DENND2B: variants seen among roughly 807,000 people sequenced by gnomAD.
DENND2B encodes DENN domain containing 2B.
DENND2B carries 32 observed loss-of-function variants against 116.0 expected under a neutral mutation model. The observed-to-expected ratio is 0.28, with a 90% confidence interval of 0.21 to 0.37. The LOEUF (loss-of-function observed/expected upper bound fraction) is 0.37. DENND2B is among the 10% of genes least tolerant of loss of function. The probability of loss-of-function intolerance (pLI) is 1.00; values close to 1 mark genes in which losing one functional copy is unlikely to be tolerated. For synonymous variants in DENND2B, 588 were observed against 583.9 expected (o/e 1.01, Z -0.10); for missense variants, 1,276 against 1,477.7 (o/e 0.86, Z 2.24).
At chr11:8,869,178 A>C (rs1157743192) in intron 2 of DENND2B, among the ~76,000 whole-genome samples, 2 of 152,198 alleles carry the variant, frequency 1.3e-5, no homozygotes, top group African/African-American at 2.4e-5. Flanking sequence ...ACTCAAGACC[A>C]AGGATTTCCC....
intron 1 of DENND2B, among the ~76,000 whole-genome samples, chr11:8,890,190 T>A (rs1008579378): frequency 4.6e-5 from 7 of 152,074 alleles, no homozygotes; most frequent in African/African-American, 1.7e-4. Context: ...TCCTGACTGT[T>A]AGAAGGAAAA....
At chr11:8,896,581 C>T (rs959285432) in intron 1 of DENND2B, among the ~76,000 whole-genome samples, 1 of 152,132 alleles carries the variant, frequency 6.6e-6, no homozygotes, top group African/African-American at 2.4e-5. Context: ...GATTTGACTT[C>T]GGTTTTTTCA....
chr11:8,898,900 A>T (rs1233254279), intron 1 of DENND2B, among the ~76,000 whole-genome samples: 1 of 152,240 alleles, frequency 6.6e-6, no homozygotes, highest in Non-Finnish European at 1.5e-5. Flanking sequence ...CCCAAATGTT[A>T]GACTTAGCAG....
intron 3 of DENND2B, among the ~76,000 whole-genome samples, chr11:8,855,278 C>T (rs1453522413): frequency 6.6e-6 from 1 of 151,756 alleles, no homozygotes; most frequent in African/African-American, 2.4e-5. Context: ...GCTCCAGATG[C>T]CAAGCAAGGA....
At chr11:8,726,420 G>A (rs955618727) in intron 3 of DENND2B, 26 of 519,276 alleles carry the variant, frequency 5.0e-5, no homozygotes, top group Admixed American at 1.1e-4. Context: ...GCCTTATCCT[G>A]AATAATACCG....
intron 1 of DENND2B, among the ~76,000 whole-genome samples, chr11:8,892,012 G>A (rs981020100): frequency 1.3e-5 from 2 of 152,184 alleles, no homozygotes; most frequent in Non-Finnish European, 2.9e-5. Flanking sequence ...CTCAGCAAAT[G>A]TAAAAGAACA....
intron 1 of DENND2B, 130 bp from the exon 2 acceptor site, chr11:8,750,855 T>C: frequency 1.3e-6 from 1 of 741,164 alleles, no homozygotes. Flanking sequence ...CTTTCCCACT[T>C]AATGTTTAAC....
chr11:8,864,160 C>G (rs1293315855), intron 2 of DENND2B, among the ~76,000 whole-genome samples: 1 of 152,194 alleles, frequency 6.6e-6, no homozygotes, highest in African/African-American at 2.4e-5. Context: ...GTCATCTCAG[C>G]TTCCAGAGAC....
chr11:8,854,139 T>C (rs372515186), intron 3 of DENND2B, among the ~76,000 whole-genome samples: 7 of 150,186 alleles, frequency 4.7e-5, no homozygotes, highest in African/African-American at 1.7e-4. Flanking sequence ...AGTGCTGGGA[T>C]TACAGGTGTG....
intron 2 of DENND2B, among the ~76,000 whole-genome samples, chr11:8,733,800 G>A (rs1355719881): frequency 6.6e-6 from 1 of 152,208 alleles, no homozygotes; most frequent in Non-Finnish European, 1.5e-5. Context: ...AGTGGCTCCA[G>A]CACGAATAAA....
At chr11:8,715,398 A>G in intron 6 of DENND2B, 1 of 590,698 alleles carries the variant, frequency 1.7e-6, no homozygotes, top group Non-Finnish European at 3.0e-6. Context: ...TCTGAGCACC[A>G]AGGTCAGTTA....
intron 4 of DENND2B, among the ~76,000 whole-genome samples, chr11:8,815,800 A>G (rs1324230948): frequency 6.6e-6 from 1 of 152,204 alleles, no homozygotes; most frequent in Non-Finnish European, 1.5e-5. Flanking sequence ...CCACTTTAGT[A>G]TTTCATTCAA....
At chr11:8,864,574 T>C (rs1243492503) in intron 2 of DENND2B, among the ~76,000 whole-genome samples, 1 of 152,172 alleles carries the variant, frequency 6.6e-6, no homozygotes, top group African/African-American at 2.4e-5. Flanking sequence ...CTGGCCTCCA[T>C]CTAATTTCTT....
chr11:8,832,469 AAAG>A (rs1294965332), intron 4 of DENND2B: 2 of 150,488 alleles, frequency 1.3e-5, no homozygotes, highest in Non-Finnish European at 2.9e-5. Flanking sequence ...AAAAAAAAAA[AAAG>A]AACCAACACC....
At chr11:8,818,079 C>G (rs549793958) in intron 4 of DENND2B, among the ~76,000 whole-genome samples, 1 of 28,554 alleles carries the variant, frequency 3.5e-5, no homozygotes, top group Non-Finnish European at 1.4e-4. Context: ...CTGGCCAACA[C>G]GGCAAAACTC....
intron 1 of DENND2B, among the ~76,000 whole-genome samples, chr11:8,900,144 G>A (rs1471581656): frequency 6.6e-6 from 1 of 151,982 alleles, no homozygotes; most frequent in Non-Finnish European, 1.5e-5. Context: ...TGTAAAAATT[G>A]GCCCAGCACA....
At chr11:8,882,531 A>G (rs1006558839) in intron 1 of DENND2B, among the ~76,000 whole-genome samples, 2 of 152,380 alleles carry the variant, frequency 1.3e-5, no homozygotes, top group Non-Finnish European at 2.9e-5. Context: ...CTGTTACTCA[A>G]TAAATAGCTG....
intron 1 of DENND2B, among the ~76,000 whole-genome samples, chr11:8,773,059 ATTTCATAGGAATGT>A (rs2057164212): frequency 6.6e-6 from 1 of 152,102 alleles, no homozygotes; most frequent in African/African-American, 2.4e-5. Flanking sequence ...GTGAAATATA[ATTTCATAGGAATGT>A]AATTCTGGAA....
intron 3 of DENND2B, among the ~76,000 whole-genome samples, chr11:8,854,833 C>A (rs2134658654): frequency 6.6e-6 from 1 of 152,296 alleles, no homozygotes; most frequent in South Asian, 2.1e-4. Flanking sequence ...ATGCCTTAGC[C>A]TCCTGGGTAG....
Sources: allele counts gnomAD v4.1 joint callset (sites outside exome capture counted in the v4.1 genomes callset), GRCh38; gene constraint gnomAD v4.1.1; transcripts MANE v1.5; gene names NCBI Gene and HGNC (gene_info 2026-07-23, HGNC 2026-07-21).